Variants in GLIPR1L1 observed in about 807,000 individuals in gnomAD.
The protein encoded by GLIPR1L1 is GLIPR1-like protein 1.
A neutral mutation model predicts 29.9 loss-of-function variants in GLIPR1L1; 26 were observed. The ratio of observed to expected loss-of-function variants is 0.87; its 90% confidence interval spans 0.64 to 1.21. The LOEUF (loss-of-function observed/expected upper bound fraction) is 1.21, where lower values mean the gene tolerates loss of function less well. Ranked by LOEUF, GLIPR1L1 falls within the 50% of genes most tolerant of loss-of-function variation. The pLI, the probability that GLIPR1L1 is intolerant of heterozygous loss-of-function variation, is 0.00. For synonymous variants in GLIPR1L1, 77 were observed against 97.5 expected, an observed-to-expected ratio of 0.79 and a Z score of 1.24; for missense variants, 305 against 290.3, an observed-to-expected ratio of 1.05 and a Z score of -0.37.
Position 75,350,020 on chromosome 12 carries a change from T to C in GLIPR1L1, c.521+2298T>C, listed in dbSNP as rs1318625045. Among the ~76,000 whole-genome samples the C allele has an allele frequency of 2.0e-5, 3 of 152,228 alleles. No homozygotes were observed. In the South Asian group the frequency reaches 6.2e-4, roughly 32 times the overall value. Reference sequence around the variant, plus strand: ...GGGAGGGAGGGGTGCCCACCACCACTGTGGCTCCAGTTGGCCATTTTCCCC... The same window carrying C: ...GGGAGGGAGGGGTGCCCACCACCACCGTGGCTCCAGTTGGCCATTTTCCCC... On this transcript the variant is annotated intron_variant, in intron 3 of 5. Transcript: ENST00000378695.
chr12:75,361,264 G>A (rs1593815008), intron 3 of GLIPR1L1, among the ~76,000 whole-genome samples: 1 of 152,158 alleles, frequency 6.6e-6, no homozygotes, highest in South Asian at 2.1e-4. Context: ...CAACAGTGTA[G>A]AAAACTAATT....
At chr12:75,354,903 G>A (rs1444995545) in intron 3 of GLIPR1L1, among the ~76,000 whole-genome samples, 1 of 152,096 alleles carries the variant, frequency 6.6e-6, no homozygotes, top group Non-Finnish European at 1.5e-5. Flanking sequence ...TTAATAGATG[G>A]TGCTGGGAGA....
chr12:75,365,643 C>T (rs1337847330), intron 4 of GLIPR1L1, among the ~76,000 whole-genome samples: 8 of 152,040 alleles, frequency 5.3e-5, no homozygotes, highest in Admixed American at 6.6e-5. Flanking sequence ...TTCAAACAAA[C>T]TTTAGACAAG....
At chr12:75,340,757 A>T (rs1435237456) in intron 1 of GLIPR1L1, among the ~76,000 whole-genome samples, 2 of 151,988 alleles carry the variant, frequency 1.3e-5, no homozygotes, top group African/African-American at 2.4e-5. Context: ...AAAAAATTCA[A>T]TTAGAAAATG....
Position 75,343,698 on chromosome 12 carries a change from G to C in GLIPR1L1, c.180G>C (p.Trp60Cys). 6.3e-7 allele frequency: 1 copy of C among 1,599,978 alleles called. No homozygotes were observed. Among genetic ancestry groups the C allele is most frequent in the Non-Finnish European group, 8.5e-7 (1 of 1,172,076 alleles). ...AAATTATTTTTATCTTTCAGATTTG[G>C]GATAAAGGTTTAGCAAAGATGGCTA... Reference protein sequence around the residue: ...PPAADMKYMIWDKGLAKMAKA... With the variant: ...PPAADMKYMICDKGLAKMAKA... Residue 60 changes from tryptophan to cysteine, a missense_variant, in exon 2 of 6, where the codon TGG (tryptophan) becomes TGC (cysteine). Transcript: ENST00000378695.
intron 4 of GLIPR1L1, among the ~76,000 whole-genome samples, chr12:75,366,202 C>T (rs74108751): frequency 0.016 from 2,402 of 152,152 alleles, 51 homozygotes; most frequent in African/African-American, 0.055. Flanking sequence ...CAATCCATAA[C>T]AAAATACATA....
At chr12:75,343,999 T>C in intron 2 of GLIPR1L1, 61 bp downstream of exon 2, 1 of 1,392,872 alleles carries the variant, frequency 7.2e-7, no homozygotes, top group Non-Finnish European at 9.8e-7. Context: ...TTGCCAGAAT[T>C]TATTTCTCTG....
intron 4 of GLIPR1L1, among the ~76,000 whole-genome samples, chr12:75,363,604 C>T (rs1022973891): frequency 6.6e-6 from 1 of 152,032 alleles, no homozygotes; most frequent in African/African-American, 2.4e-5. Flanking sequence ...TCATGATCAG[C>T]TTTTTGGTTC....
intron 4 of GLIPR1L1, among the ~76,000 whole-genome samples, chr12:75,366,424 G>A (rs983328008): frequency 1.3e-5 from 2 of 152,140 alleles, no homozygotes; most frequent in Non-Finnish European, 2.9e-5. Context: ...GTTGCAGATT[G>A]ACCTTTGGGC....
chr12:75,368,687 T>A (rs74108753), intron 4 of GLIPR1L1, among the ~76,000 whole-genome samples: 2,405 of 152,078 alleles, frequency 0.016, 51 homozygotes, highest in African/African-American at 0.055. Flanking sequence ...TGACTTCAAG[T>A]TTGTATTAGA....
intron 1 of GLIPR1L1, among the ~76,000 whole-genome samples, chr12:75,339,048 G>A (rs561709718): frequency 1.4e-4 from 21 of 152,268 alleles, no homozygotes; most frequent in African/African-American, 5.1e-4. Flanking sequence ...ATTGTGAATA[G>A]TGTGCAGTGA....
intron 4 of GLIPR1L1, among the ~76,000 whole-genome samples, chr12:75,367,268 GAAAAAAAAAAAAAA>G (rs35250320): frequency 1.1e-5 from 1 of 88,738 alleles, no homozygotes; most frequent in Non-Finnish European, 2.1e-5. Flanking sequence ...TTCCTAGGAG[GAAAAAAAAAAAAAA>G]AAAAAAAAGA....
chr12:75,345,324 A>G (rs891529050), intron 2 of GLIPR1L1, among the ~76,000 whole-genome samples: 2 of 152,052 alleles, frequency 1.3e-5, no homozygotes, highest in African/African-American at 4.8e-5. Flanking sequence ...CTTGAAAACC[A>G]TTACTTCCTA....
intron 3 of GLIPR1L1, among the ~76,000 whole-genome samples, chr12:75,349,084 C>G (rs866604057): frequency 1.6e-4 from 25 of 151,990 alleles, no homozygotes; most frequent in Non-Finnish European, 8.8e-5. Context: ...CAGAGAGAAC[C>G]CTAGAAATCT....
chr12:75,334,708 C>T lies in GLIPR1L1; in HGVS notation c.-21C>T, dbSNP rs1378287428. On this transcript the variant is annotated 5_prime_UTR_variant, in exon 1 of 6. Coordinates refer to ENST00000378695, the MANE Select transcript of GLIPR1L1 (RefSeq NM_001304964.2). ...CTGGTCCGCGCAGTCAGGGCATCCTCCGCATCCTCCACATCCTTCCATGGC... is the reference window on the plus strand; with the variant it reads ...CTGGTCCGCGCAGTCAGGGCATCCTTCGCATCCTCCACATCCTTCCATGGC... 6.2e-7 allele frequency: 1 copy of T among 1,605,642 alleles called. No homozygotes were observed. Among genetic ancestry groups the T allele is most frequent in the East Asian group, 2.2e-5 (1 of 44,830 alleles).
At chr12:75,337,839 CTTCT>C (rs1593646690) in intron 1 of GLIPR1L1, among the ~76,000 whole-genome samples, 1 of 151,762 alleles carries the variant, frequency 6.6e-6, no homozygotes, top group Non-Finnish European at 1.5e-5. Flanking sequence ...CGACTATTGT[CTTCT>C]TTGTCTTGTA....
intron 3 of GLIPR1L1, among the ~76,000 whole-genome samples, chr12:75,354,400 A>G (rs1158261012): frequency 6.6e-6 from 1 of 152,176 alleles, no homozygotes; most frequent in Non-Finnish European, 1.5e-5. Context: ...AAAGAGAATA[A>G]GATACCTAGG....
At position 75,370,162 on chromosome 12, in the gene GLIPR1L1, C is replaced by A; in HGVS notation, c.715C>A (p.Leu239Met). The A allele has an allele frequency of 6.4e-7, 1 of 1,550,542 alleles. No homozygotes were observed. The highest frequency in any genetic ancestry group is 1.4e-5 in the African/African-American group (1 of 73,794). The stretch of plus-strand genomic sequence containing the variant: ...TCCATTCAGCTTAGGTTTTCTTCTT[C>A]TGAGAATCTTTTAATGTCATTTATA... ...FNPFSLGFLL[L>M]RIF The change falls in exon 6 of 6, where the codon CTG becomes ATG. Residue 239 changes from leucine (L) to methionine (M), a missense_variant. Coordinates refer to ENST00000378695, the MANE Select transcript of GLIPR1L1 (RefSeq NM_001304964.2).
rs1423723525 is a variant in GLIPR1L1 at position 75,347,660 on chromosome 12, T to A, written c.459T>A (p.Val153=). ...WANSFYVGCA[V]AMCPNLGGAS... is the part of the protein sequence containing the mutation. ...ATTCATTTTATGTCGGTTGTGCAGT[T>A]GCAATGTGTCCTAACCTTGGGGGAG... The change falls in exon 3 of 6, where the codon GTT becomes GTA. Residue 153 remains valine, a synonymous_variant. Coordinates refer to ENST00000378695, the MANE Select transcript of GLIPR1L1 (RefSeq NM_001304964.2). The A allele has an allele frequency of 6.2e-7, 1 of 1,610,076 alleles. No homozygotes were observed. Among genetic ancestry groups the A allele is most frequent in the African/African-American group, 1.3e-5 (1 of 74,834 alleles).
Sources: allele counts gnomAD v4.1 joint callset (sites outside exome capture counted in the v4.1 genomes callset), GRCh38; gene constraint gnomAD v4.1.1; transcripts MANE v1.5; gene names NCBI Gene and HGNC (gene_info 2026-07-23, HGNC 2026-07-21).